Variants in SLC14A2 observed in about 807,000 individuals in gnomAD.
SLC14A2 encodes the protein urea transporter 2.
SLC14A2 carries 91 observed loss-of-function variants against 104.6 expected under a neutral mutation model. That is an observed-to-expected ratio of 0.87 (90% CI 0.73 to 1.04). The LOEUF (loss-of-function observed/expected upper bound fraction) is 1.04, where lower values mean the gene tolerates loss of function less well. SLC14A2 is among the 50% of genes least tolerant of loss of function. SLC14A2 has a pLI of 0.00. For synonymous variants in SLC14A2, 476 were observed against 466.4 expected (o/e 1.02, Z -0.27); for missense variants, 1,189 against 1,156.0 (o/e 1.03, Z -0.41).
intron 1 of SLC14A2, among the ~76,000 whole-genome samples, chr18:45,337,337 G>A (rs1173341021): frequency 6.6e-6 from 1 of 152,154 alleles, no homozygotes; most frequent in African/African-American, 2.4e-5. Flanking sequence ...AGGTAGAAGA[G>A]GGATAAATGC....
intron 1 of SLC14A2, among the ~76,000 whole-genome samples, chr18:45,434,846 G>C (rs2086571641): frequency 6.6e-6 from 1 of 152,128 alleles, no homozygotes; most frequent in South Asian, 2.1e-4. Flanking sequence ...GAAGTGAATA[G>C]CTCTTGTAAT....
intron 2 of SLC14A2, among the ~76,000 whole-genome samples, chr18:45,524,569 T>C (rs2043564236): frequency 6.6e-6 from 1 of 152,130 alleles, no homozygotes; most frequent in Non-Finnish European, 1.5e-5. Flanking sequence ...CTGAACATAG[T>C]TCCCTATCCA....
chr18:45,659,852 T>TGGTGGC (rs1290775424), intron 10 of SLC14A2, among the ~76,000 whole-genome samples: 1 of 151,410 alleles, frequency 6.6e-6, no homozygotes, highest in Non-Finnish European at 1.5e-5. Context: ...AGGCTGGACG[T>TGGTGGC]GGTGGCTCAT....
At position 45,391,648 on chromosome 18, in the gene SLC14A2, G is replaced by A. The variant is rs537011390; in HGVS notation, c.-124-91585G>A. Among the ~76,000 whole-genome samples, 824 of 152,236 alleles carry A rather than the reference G, an allele frequency of 5.4e-3. 8 individuals carry two copies. The highest frequency in any genetic ancestry group is 8.6e-3 in the Non-Finnish European group (586 of 68,014). ...TGGTGTGAGATGGTATCTCATTGTG[G>A]TTTTGATTTGCATCTCTCTGATGGC... On this transcript the variant is annotated intron_variant, in intron 1 of 20. Coordinates refer to the SLC14A2 transcript ENST00000586448.
At chr18:45,457,663 G>A (rs1490457568) in intron 1 of SLC14A2, among the ~76,000 whole-genome samples, 2 of 147,536 alleles carry the variant, frequency 1.4e-5, no homozygotes, top group African/African-American at 2.5e-5. Flanking sequence ...CATTGTGACT[G>A]GCAATCAGAA....
At chr18:45,463,953 A>G (rs77258516) in intron 1 of SLC14A2, among the ~76,000 whole-genome samples, 4,604 of 152,198 alleles carry the variant, frequency 0.03, 217 homozygotes, top group African/African-American at 0.1. Flanking sequence ...TGCCCACCCT[A>G]TTTCTAATTT....
intron 1 of SLC14A2, among the ~76,000 whole-genome samples, chr18:45,331,167 C>T (rs1443327977): frequency 6.6e-6 from 1 of 152,182 alleles, no homozygotes; most frequent in Non-Finnish European, 1.5e-5. Flanking sequence ...GTTCAGGCAT[C>T]CGTCTTTAGA....
chr18:45,255,929 C>CGGA (rs1310269183), intron 1 of SLC14A2, among the ~76,000 whole-genome samples: 3 of 152,080 alleles, frequency 2.0e-5, no homozygotes, highest in African/African-American at 7.2e-5. Flanking sequence ...TAGAAAGGCC[C>CGGA]GGATGTATGC....
chr18:45,593,638 T>C (rs1392384828), intron 2 of SLC14A2, among the ~76,000 whole-genome samples: 2 of 151,504 alleles, frequency 1.3e-5, no homozygotes, highest in Non-Finnish European at 1.5e-5. Context: ...TACAGGTGCC[T>C]GCCACCACGC....
At chr18:45,268,378 A>C (rs1297134321) in intron 1 of SLC14A2, among the ~76,000 whole-genome samples, 1 of 152,248 alleles carries the variant, frequency 6.6e-6, no homozygotes, top group Non-Finnish European at 1.5e-5. Flanking sequence ...AAATGCTGAG[A>C]ACTAATACAT....
chr18:45,426,730 C>CACACACAT (rs1352896029), intron 1 of SLC14A2, among the ~76,000 whole-genome samples: 206 of 150,118 alleles, frequency 1.4e-3, no homozygotes, highest in African/African-American at 4.8e-3. Context: ...CACACACACA[C>CACACACAT]ACATACATAC....
intron 1 of SLC14A2, among the ~76,000 whole-genome samples, chr18:45,220,703 T>G (rs376544012): frequency 1.3e-5 from 2 of 152,278 alleles, no homozygotes; most frequent in South Asian, 4.1e-4. Context: ...ATGAACTAAT[T>G]TGAACCAAAA....
chr18:45,532,867 G>A (rs943935720), intron 2 of SLC14A2, among the ~76,000 whole-genome samples: 103 of 152,232 alleles, frequency 6.8e-4, no homozygotes, highest in African/African-American at 2.3e-3. Context: ...TTTGAGATAC[G>A]TACCATCAAT....
At chr18:45,499,095 C>G (rs2043149281) in intron 2 of SLC14A2, among the ~76,000 whole-genome samples, 1 of 152,178 alleles carries the variant, frequency 6.6e-6, no homozygotes, top group African/African-American at 2.4e-5. Context: ...CAAACACCAC[C>G]ACCACCACCT....
At chr18:45,228,357 G>T (rs973100621) in intron 1 of SLC14A2, among the ~76,000 whole-genome samples, 4 of 152,120 alleles carry the variant, frequency 2.6e-5, no homozygotes, top group Admixed American at 6.5e-5. Flanking sequence ...ACAGGCTTAG[G>T]GGTGGACTGT....
intron 1 of SLC14A2, chr18:45,423,835 A>C (rs79227239): frequency 7.9e-5 from 12 of 152,286 alleles, no homozygotes; most frequent in East Asian, 1.9e-4. Context: ...GTGTGTCCTC[A>C]TCTCATCCCC....
rs572385431 is a variant in SLC14A2 at position 45,474,178 on chromosome 18, G to A, written c.-124-9055G>A. Among the ~76,000 whole-genome samples, 17 of 152,226 alleles carry A rather than the reference G, an allele frequency of 1.1e-4. No homozygotes were observed. The East Asian group carries it at 2.7e-3, about 24-fold the overall frequency. ...TGATTCTGTTTATGTGATGGATTAC[G>A]TTTATTGATTTGTGTATATTGAACC... On this transcript the variant is annotated intron_variant, in intron 1 of 20. Transcript: ENST00000586448.
intron 1 of SLC14A2, among the ~76,000 whole-genome samples, chr18:45,231,944 C>G (rs12455422): frequency 1.3e-5 from 2 of 151,834 alleles, no homozygotes; most frequent in East Asian, 3.9e-4. Context: ...ACAGGCTGCT[C>G]TGGGAAGAAG....
chr18:45,303,969 T>A (rs1367092148), intron 1 of SLC14A2, among the ~76,000 whole-genome samples: 1 of 152,174 alleles, frequency 6.6e-6, no homozygotes, highest in Non-Finnish European at 1.5e-5. Flanking sequence ...AATTAACAAC[T>A]GAAGTGTTTT....
Sources: allele counts gnomAD v4.1 joint callset (sites outside exome capture counted in the v4.1 genomes callset), GRCh38; gene constraint gnomAD v4.1.1; transcripts MANE v1.5; gene names NCBI Gene and HGNC (gene_info 2026-07-23, HGNC 2026-07-21).